The following DACH2 variants were observed in gnomAD, a reference collection of about 807,000 sequenced individuals.
DACH2 encodes the protein dachshund homolog 2.
DACH2 carries 17 observed loss-of-function variants against 35.8 expected under a neutral mutation model. The ratio of observed to expected loss-of-function variants is 0.48; its 90% CI spans 0.33 to 0.71. The LOEUF (loss-of-function observed/expected upper bound fraction) is 0.71, where lower values mean the gene tolerates loss of function less well. DACH2 is among the 30% of genes least tolerant of loss of function. The pLI is 0.02. For missense variants in DACH2, 469 were observed against 472.7 expected (o/e 0.99, Z 0.07); for synonymous variants, 195 against 177.3 (o/e 1.10, Z -0.79).
At chrX:86,266,508 G>C (rs1351194658) in intron 1 of DACH2, among the ~76,000 whole-genome samples, 1 of 112,004 alleles carries the variant, frequency 8.9e-6, no homozygotes, top group Non-Finnish European at 1.9e-5. Flanking sequence ...AACTGATACT[G>C]TCAAAGTATA....
chrX:86,752,565 A>G lies in DACH2; in HGVS notation c.1240+12683A>G, dbSNP rs73228632. 5.4e-4 allele frequency among the ~76,000 whole-genome samples: 61 copies of G among 111,990 alleles called. No homozygotes were observed. The South Asian group carries it at 5.8e-3, about 11-fold the overall frequency. ...TATCTCAACAAACAGATTTTAAAGA[A>G]CCAGGATAACTAAATTACAATATTA... On this transcript the variant is annotated intron_variant, in intron 7 of 11. Transcript: ENST00000373125.
chrX:86,577,713 C>A (rs962165829), intron 3 of DACH2, among the ~76,000 whole-genome samples: 6 of 111,289 alleles, frequency 5.4e-5, no homozygotes, highest in Non-Finnish European at 1.1e-4. Flanking sequence ...GATTGGAGGG[C>A]AGAACTTCCG....
intron 2 of DACH2, among the ~76,000 whole-genome samples, chrX:86,509,848 G>A (rs759303389): frequency 1.4e-4 from 16 of 112,061 alleles, no homozygotes; most frequent in Middle Eastern, 4.6e-3. Context: ...ACACATTCAG[G>A]TACTATCTCA....
At chrX:86,485,151 A>G (rs916120902) in intron 2 of DACH2, among the ~76,000 whole-genome samples, 4 of 112,060 alleles carry the variant, frequency 3.6e-5, no homozygotes, top group African/African-American at 1.3e-4. Flanking sequence ...AAAAATTATA[A>G]AATTTACAAG....
intron 3 of DACH2, among the ~76,000 whole-genome samples, chrX:86,635,516 G>T (rs2040254379): frequency 9.0e-6 from 1 of 110,542 alleles, no homozygotes; most frequent in African/African-American, 3.3e-5. Context: ...CATAATATTG[G>T]AAGTGCTGGG....
intron 6 of DACH2, among the ~76,000 whole-genome samples, chrX:86,719,647 C>T (rs759254494): frequency 9.0e-5 from 10 of 111,435 alleles, no homozygotes; most frequent in South Asian, 7.5e-4. Context: ...AGAGAATGAC[C>T]GCCAACAGGG....
intron 1 of DACH2, among the ~76,000 whole-genome samples, chrX:86,274,651 C>T (rs777766893): frequency 2.8e-5 from 3 of 107,821 alleles, no homozygotes; most frequent in Non-Finnish European, 5.7e-5. Flanking sequence ...CCTGCCACCA[C>T]GCCCGGTTAA....
intron 11 of DACH2, chrX:86,827,810 A>C (rs759931328): frequency 8.6e-7 from 1 of 1,158,396 alleles, no homozygotes; most frequent in African/African-American, 1.8e-5. Context: ...AGGCACGAAT[A>C]GGGTGCTGTA....
At chrX:86,766,609 C>T (rs1285846789) in intron 7 of DACH2, among the ~76,000 whole-genome samples, 55 of 112,051 alleles carry the variant, frequency 4.9e-4, no homozygotes, top group Non-Finnish European at 7.5e-5. Context: ...ATGTGCACCA[C>T]ATTTATGTTT....
intron 7 of DACH2, among the ~76,000 whole-genome samples, chrX:86,744,326 T>C (rs2041688360): frequency 9.0e-6 from 1 of 110,968 alleles, no homozygotes; most frequent in Non-Finnish European, 1.9e-5. Context: ...GGATTCTCTA[T>C]GTCAAGTTCT....
At chrX:86,235,553 C>T (rs1569311455) in intron 1 of DACH2, among the ~76,000 whole-genome samples, 1 of 112,152 alleles carries the variant, frequency 8.9e-6, no homozygotes, top group Non-Finnish European at 1.9e-5. Context: ...ACAAAATGTT[C>T]CATTGGCTGA....
intron 1 of DACH2, among the ~76,000 whole-genome samples, chrX:86,308,749 A>T (rs1232122835): frequency 1.8e-5 from 2 of 111,737 alleles, no homozygotes; most frequent in Admixed American, 1.9e-4. Flanking sequence ...GGAAAGGGAA[A>T]TGATCAGACG....
chrX:86,380,267 T>A (rs146692386), intron 2 of DACH2, among the ~76,000 whole-genome samples: 4,965 of 110,266 alleles, frequency 0.045, 145 homozygotes, highest in East Asian at 0.2. Context: ...CAGATGGTTA[T>A]ATGATTTACC....
intron 11 of DACH2, chrX:86,828,170 C>A (rs45600632): frequency 0.14 from 17,967 of 132,029 alleles, 1,129 homozygotes; most frequent in South Asian, 0.4. Context: ...AAAATGCAGG[C>A]ACACCTACTT....
intron 7 of DACH2, among the ~76,000 whole-genome samples, chrX:86,756,145 G>A (rs958422909): frequency 2.7e-5 from 3 of 111,252 alleles, no homozygotes; most frequent in East Asian, 5.7e-4. Flanking sequence ...CTATAGCCTT[G>A]TAATATATTT....
At chrX:86,364,617 C>T (rs191861058) in intron 1 of DACH2, among the ~76,000 whole-genome samples, 2 of 111,443 alleles carry the variant, frequency 1.8e-5, no homozygotes, top group Admixed American at 1.9e-4. Context: ...AAGGTAGAAA[C>T]CACACCCCAT....
chrX:86,531,394 G>A (rs183300389), intron 3 of DACH2, among the ~76,000 whole-genome samples: 1 of 111,448 alleles, frequency 9.0e-6, no homozygotes, highest in East Asian at 2.9e-4. Context: ...GTTCTGTGGG[G>A]TGGGCCTAAG....
At chrX:86,199,496 A>G (rs1229590642) in intron 1 of DACH2, among the ~76,000 whole-genome samples, 2 of 111,797 alleles carry the variant, frequency 1.8e-5, no homozygotes, top group African/African-American at 6.5e-5. Context: ...CAGACACATG[A>G]TCTTATATCT....
intron 3 of DACH2, among the ~76,000 whole-genome samples, chrX:86,625,875 G>T (rs1339480864): frequency 9.0e-6 from 1 of 111,086 alleles, no homozygotes; most frequent in Non-Finnish European, 1.9e-5. Context: ...TGACATGTGG[G>T]GATTATGGGA....
Sources: allele counts gnomAD v4.1 joint callset (sites outside exome capture counted in the v4.1 genomes callset), GRCh38; gene constraint gnomAD v4.1.1; transcripts MANE v1.5; gene names NCBI Gene and HGNC (gene_info 2026-07-23, HGNC 2026-07-21).